The following ATG10 variants were observed in gnomAD, a reference collection of about 807,000 sequenced individuals.
ATG10 encodes the protein ubiquitin-like-conjugating enzyme ATG10.
In ATG10, 30 loss-of-function variants were observed where a neutral mutation model predicts 32.1. The observed-to-expected ratio is 0.94, with a 90% confidence interval of 0.70 to 1.27. The LOEUF is 1.27. ATG10 is among the 50% of genes most tolerant of loss of function. The pLI, the probability that ATG10 is intolerant of heterozygous loss-of-function variation, is 0.00. For missense variants in ATG10, 233 were observed against 262.3 expected, an observed-to-expected ratio of 0.89 and a Z score of 0.77; for synonymous variants, 87 against 91.5, an observed-to-expected ratio of 0.95 and a Z score of 0.28.
At chr5:82,028,144 T>A (rs1172841357) in intron 2 of ATG10, among the ~76,000 whole-genome samples, 1 of 152,224 alleles carries the variant, frequency 6.6e-6, no homozygotes, top group Non-Finnish European at 1.5e-5. Flanking sequence ...GAAGAAGTGG[T>A]ACTCTCAATA....
At chr5:82,053,534 T>A (rs1763492519) in intron 2 of ATG10, among the ~76,000 whole-genome samples, 1 of 152,174 alleles carries the variant, frequency 6.6e-6, no homozygotes, top group Admixed American at 6.6e-5. Context: ...TTAAAAAATA[T>A]GTGTTCTCCT....
intron 5 of ATG10, among the ~76,000 whole-genome samples, chr5:82,207,659 T>G (rs143338910): frequency 6.6e-6 from 1 of 152,350 alleles, no homozygotes; most frequent in Non-Finnish European, 1.5e-5. Context: ...AATCATATCC[T>G]GTATTTTTTA....
Position 82,049,253 on chromosome 5 carries a change from G to A in ATG10, c.109-9242G>A, listed in dbSNP as rs374128625. Reference sequence around the variant, plus strand: ...ATGAGTTCATGTCCTTTGTAGGGACGCGGATGAAATTGGAAATCATCATTC... The same window carrying A: ...ATGAGTTCATGTCCTTTGTAGGGACACGGATGAAATTGGAAATCATCATTC... On this transcript the variant is annotated intron_variant, in intron 2 of 7. Coordinates refer to ENST00000282185, the MANE Select transcript of ATG10 (RefSeq NM_031482.5). 2.8e-3 allele frequency among the ~76,000 whole-genome samples: 419 copies of A among 151,658 alleles called. 2 individuals carry two copies. Among genetic ancestry groups the A allele is most frequent in the African/African-American group, 8.1e-3 (333 of 41,220 alleles).
intron 5 of ATG10, among the ~76,000 whole-genome samples, chr5:82,194,234 G>A: frequency 6.6e-6 from 1 of 152,022 alleles, no homozygotes; most frequent in East Asian, 1.9e-4. Context: ...AAAATAGGTG[G>A]GTCTTTGGAG....
At chr5:82,182,564 T>A (rs1415003932) in intron 5 of ATG10, among the ~76,000 whole-genome samples, 1 of 152,140 alleles carries the variant, frequency 6.6e-6, no homozygotes, top group Non-Finnish European at 1.5e-5. Context: ...ATTGATATAC[T>A]CAGCAACCCG....
At chr5:82,089,700 T>C (rs2149791596) in intron 3 of ATG10, among the ~76,000 whole-genome samples, 1 of 152,208 alleles carries the variant, frequency 6.6e-6, no homozygotes, top group Admixed American at 6.5e-5. Context: ...CAAAGAATTT[T>C]TGGATTTGAG....
intron 3 of ATG10, among the ~76,000 whole-genome samples, chr5:82,138,499 T>C (rs1766866017): frequency 1.3e-5 from 2 of 152,150 alleles, no homozygotes; most frequent in South Asian, 4.1e-4. Context: ...CAACCCCTTG[T>C]GCTTCCCGGG....
chr5:81,989,724 G>A (rs1183675499), intron 2 of ATG10, among the ~76,000 whole-genome samples: 2 of 151,060 alleles, frequency 1.3e-5, no homozygotes, highest in Admixed American at 6.6e-5. Context: ...CAGCCTCTTC[G>A]AGTAGCTGGG....
chr5:82,180,030 G>A (rs928753108), intron 5 of ATG10, among the ~76,000 whole-genome samples: 1 of 151,976 alleles, frequency 6.6e-6, no homozygotes, highest in Non-Finnish European at 1.5e-5. Flanking sequence ...GTGGTTTTCT[G>A]CTCCTTTCCT....
At chr5:82,116,676 A>G (rs1765821266) in intron 3 of ATG10, among the ~76,000 whole-genome samples, 1 of 152,118 alleles carries the variant, frequency 6.6e-6, no homozygotes. Flanking sequence ...GCAAAACAAA[A>G]CAAACATCAT....
At chr5:81,999,725 C>T in intron 2 of ATG10, among the ~76,000 whole-genome samples, 1 of 148,816 alleles carries the variant, frequency 6.7e-6, no homozygotes, top group Admixed American at 6.7e-5. Flanking sequence ...CACAGAAATA[C>T]AAAAAAAAAA....
intron 2 of ATG10, among the ~76,000 whole-genome samples, chr5:81,992,931 A>G (rs1006067791): frequency 3.9e-5 from 6 of 152,190 alleles, no homozygotes; most frequent in Non-Finnish European, 8.8e-5. Flanking sequence ...CTTTAAATCA[A>G]TATTTTTCAG....
chr5:82,035,904 A>G (rs552990823), intron 2 of ATG10, among the ~76,000 whole-genome samples: 1 of 151,916 alleles, frequency 6.6e-6, no homozygotes, highest in African/African-American at 2.4e-5. Flanking sequence ...CATTTGTCAT[A>G]TAGAAGTTTT....
Position 82,178,448 on chromosome 5 carries a change from C to A in ATG10, c.356-42C>A. 2.5e-6 allele frequency: 3 copies of A among 1,212,270 alleles called. No homozygotes were observed. In the South Asian group the frequency reaches 3.7e-5, roughly 15 times the overall value. The allele number at this position is 1,212,270 out of a possible 1,614,324, so 75.1% of individuals were successfully genotyped here. A position where few individuals can be genotyped will look rare whatever the true frequency, so the allele number is the denominator to read the frequency against. ...AGATTGACACCAAGCACCATTGTGT[C>A]ACATGAATTACTAACTCAGTCTTTA... is the stretch of plus-strand genomic sequence containing the variant. On this transcript the variant is annotated intron_variant, in intron 4 of 7. Transcript: ENST00000282185.
intron 2 of ATG10, among the ~76,000 whole-genome samples, chr5:81,993,296 T>A (rs1219576078): frequency 8.5e-6 from 1 of 118,174 alleles, no homozygotes; most frequent in African/African-American, 3.1e-5. Context: ...TTTCCTTCTT[T>A]CTTTCCTTTC....
At chr5:82,049,743 C>G (rs1763347040) in intron 2 of ATG10, among the ~76,000 whole-genome samples, 1 of 151,958 alleles carries the variant, frequency 6.6e-6, no homozygotes, top group African/African-American at 2.4e-5. Context: ...GGGTTAGTAA[C>G]TAGAGAGTGA....
intron 4 of ATG10, among the ~76,000 whole-genome samples, chr5:82,177,700 G>A (rs1410578760): frequency 1.3e-5 from 2 of 151,970 alleles, no homozygotes; most frequent in Non-Finnish European, 2.9e-5. Flanking sequence ...AAGTGCCATA[G>A]TGGTCTTTGT....
intron 2 of ATG10, among the ~76,000 whole-genome samples, chr5:82,005,961 C>T (rs1369932231): frequency 6.6e-6 from 1 of 152,058 alleles, no homozygotes; most frequent in Admixed American, 6.6e-5. Flanking sequence ...TTGAAGTATA[C>T]GTGGCAACAT....
At chr5:82,076,084 T>C (rs1400658858) in intron 3 of ATG10, among the ~76,000 whole-genome samples, 1 of 152,210 alleles carries the variant, frequency 6.6e-6, no homozygotes, top group African/African-American at 2.4e-5. Context: ...CCATTAACCC[T>C]AGGAGTTAGT....
Sources: gnomAD v4.1 joint callset for allele counts (sites outside exome capture counted in the v4.1 genomes callset) on GRCh38, gnomAD v4.1.1 for gene constraint, MANE v1.5 for transcripts, NCBI Gene and HGNC (gene_info 2026-07-23, HGNC 2026-07-21) for gene names.